The following LAMA2 variants were observed in gnomAD, a reference collection of about 807,000 sequenced individuals.
LAMA2 encodes the protein laminin subunit alpha-2.
Under a neutral mutation model 364.8 loss-of-function variants are expected in LAMA2, and 269 were observed. The ratio of observed to expected loss-of-function variants is 0.74; its 90% CI spans 0.67 to 0.82. The LOEUF is 0.82. Among genes scored for constraint, LAMA2 ranks in the 40% least tolerant of loss-of-function variants. The pLI is 0.00. For missense variants in LAMA2, 3,807 were observed against 3,873.2 expected, an observed-to-expected ratio of 0.98 and a Z score of 0.45; for synonymous variants, 1,379 against 1,370.6, an observed-to-expected ratio of 1.01 and a Z score of -0.14.
intron 1 of LAMA2, 32 bp downstream of exon 1, chr6:128,883,389 C>G: frequency 6.4e-7 from 1 of 1,560,758 alleles, no homozygotes. Flanking sequence ...GGGTTGCATC[C>G]TTTGCCGGGA....
chr6:129,287,816 A>G, intron 18 of LAMA2, 31 bp from the exon 19 acceptor site: 1 of 1,575,484 alleles, frequency 6.3e-7, no homozygotes, highest in Non-Finnish European at 8.7e-7. Flanking sequence ...AGGTCCCCCC[A>G]AAGGCTCACT....
chr6:129,479,208 C>T (rs1255220496), intron 54 of LAMA2, among the ~76,000 whole-genome samples: 3 of 152,040 alleles, frequency 2.0e-5, no homozygotes, highest in Admixed American at 1.3e-4. Context: ...TTGAAGTTTA[C>T]ACAAGTAGCA....
chr6:129,427,854 G>C lies in LAMA2; in HGVS notation c.5968G>C (p.Glu1990Gln). ...CAAGAAGTTAGCAAATGATGTAAAA[G>C]GTCAGTGTGGCCATAGTTTTTATTA... ...EAKKLANDVKENEDHLNGLKT... is the reference protein window; with the variant it reads ...EAKKLANDVKQNEDHLNGLKT... Residue 1990 changes from glutamate to glutamine, a missense_variant and splice_region_variant, in exon 41 of 65, where the codon GAA (glutamate) becomes CAA (glutamine). Coordinates refer to ENST00000421865, the MANE Select transcript of LAMA2 (RefSeq NM_000426.4). 2 of 1,589,608 alleles carry C rather than the reference G, an allele frequency of 1.3e-6. No individual in the cohort carries two copies. The highest frequency in any genetic ancestry group is 1.7e-6 in the Non-Finnish European group (2 of 1,157,900).
intron 1 of LAMA2, among the ~76,000 whole-genome samples, chr6:129,048,538 TTC>T (rs1252453740): frequency 0.047 from 3,545 of 75,552 alleles, 303 homozygotes; most frequent in East Asian, 0.084. Context: ...CCTTCCTTCC[TTC>T]CTTTCTTTCT....
chr6:129,311,273 C>T (rs898406362), intron 22 of LAMA2, among the ~76,000 whole-genome samples: 3 of 152,088 alleles, frequency 2.0e-5, no homozygotes, highest in African/African-American at 7.2e-5. Flanking sequence ...AGGCGTCCGC[C>T]ACCACGCCCG....
At chr6:129,290,233 A>C (rs1206254334) in intron 19 of LAMA2, among the ~76,000 whole-genome samples, 1 of 152,188 alleles carries the variant, frequency 6.6e-6, no homozygotes, top group South Asian at 2.1e-4. Context: ...TGATATTTTA[A>C]AAATGTATGA....
intron 1 of LAMA2, among the ~76,000 whole-genome samples, chr6:128,934,797 C>T (rs1779710837): frequency 1.3e-5 from 2 of 152,208 alleles, no homozygotes; most frequent in African/African-American, 4.8e-5. Context: ...GCATAAGCCA[C>T]TACACCCGGC....
At chr6:129,010,000 G>A (rs1036559992) in intron 1 of LAMA2, among the ~76,000 whole-genome samples, 1 of 152,128 alleles carries the variant, frequency 6.6e-6, no homozygotes, top group Non-Finnish European at 1.5e-5. Context: ...TCTAGCTTAT[G>A]GCTCAGTGTT....
intron 22 of LAMA2, among the ~76,000 whole-genome samples, chr6:129,306,631 C>T (rs187231282): frequency 6.6e-6 from 1 of 151,718 alleles, no homozygotes; most frequent in Admixed American, 6.6e-5. Flanking sequence ...CCCCATCTCA[C>T]TGAGGTTCTT....
chr6:129,405,802 T>C (rs1371448960), intron 40 of LAMA2, among the ~76,000 whole-genome samples: 1 of 152,096 alleles, frequency 6.6e-6, no homozygotes, highest in Non-Finnish European at 1.5e-5. Context: ...AGGACTAACA[T>C]CCCATAAATA....
chr6:129,095,196 A>C (rs1212320595), intron 3 of LAMA2, among the ~76,000 whole-genome samples: 2 of 152,196 alleles, frequency 1.3e-5, no homozygotes, highest in Non-Finnish European at 2.9e-5. Flanking sequence ...TACTGTCCTA[A>C]CCTTATCCCC....
chr6:129,189,608 G>A (rs531232154), intron 10 of LAMA2, among the ~76,000 whole-genome samples: 2 of 152,200 alleles, frequency 1.3e-5, no homozygotes, highest in South Asian at 4.1e-4. Context: ...AGAAAACACT[G>A]TAAAAAGTTA....
At chr6:129,294,808 G>A (rs1034137451) in intron 20 of LAMA2, among the ~76,000 whole-genome samples, 2 of 152,152 alleles carry the variant, frequency 1.3e-5, no homozygotes, top group African/African-American at 4.8e-5. Context: ...CAGGAGCATA[G>A]AGAGTTTTTA....
chr6:129,046,139 T>G (rs1357207704), intron 1 of LAMA2, among the ~76,000 whole-genome samples: 1 of 152,232 alleles, frequency 6.6e-6, no homozygotes, highest in Non-Finnish European at 1.5e-5. Flanking sequence ...CTCTTTGTTC[T>G]TACTACTTAT....
intron 1 of LAMA2, among the ~76,000 whole-genome samples, chr6:128,891,256 C>T (rs1776435116): frequency 6.6e-6 from 1 of 151,974 alleles, no homozygotes; most frequent in African/African-American, 2.4e-5. Context: ...TATAATATTC[C>T]ATCCAGTAGC....
At chr6:129,184,963 C>A (rs901981744) in intron 10 of LAMA2, among the ~76,000 whole-genome samples, 1 of 151,884 alleles carries the variant, frequency 6.6e-6, no homozygotes, top group Non-Finnish European at 1.5e-5. Context: ...AAGTCCTCAA[C>A]AAATACTGCT....
intron 6 of LAMA2, among the ~76,000 whole-genome samples, chr6:129,148,190 C>G (rs961400207): frequency 6.6e-6 from 1 of 152,078 alleles, no homozygotes. Context: ...GGAATGAGAT[C>G]ATGTCCTTTG....
chr6:129,064,473 T>C (rs752918978), intron 3 of LAMA2, among the ~76,000 whole-genome samples: 4 of 151,230 alleles, frequency 2.6e-5, no homozygotes, highest in Admixed American at 6.6e-5. Context: ...AAATAGAGAC[T>C]AGGGAAACAA....
At chr6:129,479,771 G>C (rs1420836757) in intron 54 of LAMA2, 1 of 152,096 alleles carries the variant, frequency 6.6e-6, no homozygotes, top group Non-Finnish European at 1.5e-5. Flanking sequence ...TGAATGATGA[G>C]GTTTAAAGAC....
Sources: allele counts gnomAD v4.1 joint callset (sites outside exome capture counted in the v4.1 genomes callset), GRCh38; gene constraint gnomAD v4.1.1; transcripts MANE v1.5; gene names NCBI Gene and HGNC (gene_info 2026-07-23, HGNC 2026-07-21).